The following TMEM62 variants were observed in gnomAD, a reference collection of about 807,000 sequenced individuals.
The protein encoded by TMEM62 is transmembrane protein 62.
A neutral mutation model predicts 70.4 loss-of-function variants in TMEM62; 41 were observed. The observed-to-expected ratio is 0.58, with a 90% CI of 0.45 to 0.76. The LOEUF is 0.76. TMEM62 is among the 30% of genes least tolerant of loss of function. The pLI, the probability that TMEM62 is intolerant of heterozygous loss-of-function variation, is 0.00. For missense variants in TMEM62, 688 were observed against 788.5 expected, an observed-to-expected ratio of 0.87 and a Z score of 1.53; for synonymous variants, 268 against 291.0, an observed-to-expected ratio of 0.92 and a Z score of 0.80.
chr15:43,167,797 A>C (rs1280677191), intron 10 of TMEM62, among the ~76,000 whole-genome samples: 1 of 152,140 alleles, frequency 6.6e-6, no homozygotes, highest in Non-Finnish European at 1.5e-5. Flanking sequence ...GGTTGTAGCG[A>C]GCCGAGATCA....
intron 10 of TMEM62, among the ~76,000 whole-genome samples, chr15:43,166,994 T>A (rs1301139807): frequency 1.3e-5 from 2 of 152,232 alleles, no homozygotes; most frequent in African/African-American, 4.8e-5. Flanking sequence ...CCTTCCCCCC[T>A]TTCTATTCCA....
At chr15:43,179,721 G>A (rs1554422) in intron 12 of TMEM62, 2 of 152,180 alleles carry the variant, frequency 1.3e-5, no homozygotes, top group South Asian at 4.2e-4. Flanking sequence ...CCTATTTGTT[G>A]CCTAGTCTTA....
intron 4 of TMEM62, among the ~76,000 whole-genome samples, chr15:43,139,210 T>C (rs1378807158): frequency 6.6e-6 from 1 of 152,196 alleles, no homozygotes; most frequent in Non-Finnish European, 1.5e-5. Flanking sequence ...GATGTTACTA[T>C]TGTAATTGTT....
intron 10 of TMEM62, 90 bp from the exon 11 acceptor site, chr15:43,169,503 T>G: frequency 8.8e-7 from 1 of 1,137,048 alleles, no homozygotes; most frequent in Non-Finnish European, 1.3e-6. Flanking sequence ...ACAGATGCCA[T>G]TTCCATTTTT....
intron 3 of TMEM62, among the ~76,000 whole-genome samples, chr15:43,137,683 A>T (rs144088658): frequency 6.6e-6 from 1 of 152,352 alleles, no homozygotes; most frequent in Non-Finnish European, 1.5e-5. Flanking sequence ...GCAGGTGGAC[A>T]TCTCCACTGC....
At chr15:43,175,986 T>C (rs141362143) in intron 11 of TMEM62, among the ~76,000 whole-genome samples, 1,644 of 152,360 alleles carry the variant, frequency 0.011, 26 homozygotes, top group African/African-American at 0.037. Flanking sequence ...ACCCTAATAC[T>C]GCGCTTTTCT....
chr15:43,142,630 A>G (rs189737211), intron 4 of TMEM62, among the ~76,000 whole-genome samples: 1 of 152,190 alleles, frequency 6.6e-6, no homozygotes, highest in Non-Finnish European at 1.5e-5. Flanking sequence ...CTGAAGGCTC[A>G]GATGATCATT....
chr15:43,151,425 T>C (rs541377101), intron 7 of TMEM62, among the ~76,000 whole-genome samples: 4 of 152,168 alleles, frequency 2.6e-5, no homozygotes, highest in Admixed American at 6.5e-5. Context: ...GTTGATGGGA[T>C]GAAGAATGTC....
At chr15:43,181,380 TC>T (rs1184501683) in intron 13 of TMEM62, 81 bp downstream of exon 13, 2 of 908,084 alleles carry the variant, frequency 2.2e-6, no homozygotes, top group Admixed American at 1.9e-5. Flanking sequence ...AAATCCAAAA[TC>T]CAGAATTAAG....
chr15:43,178,443 C>A (rs2041001661), intron 11 of TMEM62, among the ~76,000 whole-genome samples, 164 bp from the exon 12 acceptor site: 1 of 152,116 alleles, frequency 6.6e-6, no homozygotes, highest in East Asian at 1.9e-4. Context: ...CACCAGGATT[C>A]CTGCCAAATT....
chr15:43,149,227 T>C, intron 7 of TMEM62, 76 bp downstream of exon 7: 1 of 1,437,142 alleles, frequency 7.0e-7, no homozygotes, highest in Non-Finnish European at 9.6e-7. Flanking sequence ...CTTACTGATA[T>C]CATGGGTGAT....
chr15:43,133,554 G>A (rs2141408767), upstream of TMEM62: 1 of 355,796 alleles, frequency 2.8e-6, no homozygotes, highest in African/African-American at 2.1e-5. Context: ...TCTTTTCTGT[G>A]ATCGTATTAC....
chr15:43,142,805 G>A (rs2141567332), intron 4 of TMEM62, among the ~76,000 whole-genome samples: 1 of 151,938 alleles, frequency 6.6e-6, no homozygotes, highest in Non-Finnish European at 1.5e-5. Flanking sequence ...GGGTAGCTGG[G>A]ACCACAGGCG....
At chr15:43,158,210 G>T (rs967706070) in intron 9 of TMEM62, among the ~76,000 whole-genome samples, 2 of 152,220 alleles carry the variant, frequency 1.3e-5, no homozygotes, top group South Asian at 2.1e-4. Context: ...ACTTTATCTG[G>T]TTTTTTATGC....
At chr15:43,135,361 C>G (rs2035062376) in intron 2 of TMEM62, 151 bp from the exon 3 acceptor site, 1 of 699,658 alleles carries the variant, frequency 1.4e-6, no homozygotes, top group African/African-American at 1.8e-5. Flanking sequence ...TTAGATGGCT[C>G]GATTTGGACA....
intron 12 of TMEM62, among the ~76,000 whole-genome samples, chr15:43,179,353 T>C (rs1158287014): frequency 1.3e-5 from 2 of 152,250 alleles, no homozygotes; most frequent in Non-Finnish European, 2.9e-5. Flanking sequence ...GAAACTGAGA[T>C]GAGCAATAGT....
At chr15:43,152,296 AT>A (rs1225148161) in intron 8 of TMEM62, among the ~76,000 whole-genome samples, 3 of 151,908 alleles carry the variant, frequency 2.0e-5, no homozygotes, top group Non-Finnish European at 1.5e-5. Context: ...TATATATCAA[AT>A]TTTTTTTCAT....
chr15:43,148,456 G>A (rs2036939500), intron 5 of TMEM62, among the ~76,000 whole-genome samples: 1 of 152,126 alleles, frequency 6.6e-6, no homozygotes, highest in South Asian at 2.1e-4. Context: ...TAATCGTAAA[G>A]TGTTATACAA....
chr15:43,149,017 T>C lies in TMEM62; in HGVS notation c.744-12T>C. The C allele has an allele frequency of 6.2e-7, 1 of 1,612,978 alleles. No homozygotes were observed. On this transcript the variant is annotated splice_polypyrimidine_tract_variant and intron_variant, in intron 6 of 13. Coordinates refer to ENST00000260403, the MANE Select transcript of TMEM62 (RefSeq NM_024956.4). ...CTTTGTTCATTTATTTCATTTATTTTTCATTGGTTAGTTCGGCTATAGCTT... is the reference window on the plus strand; with the variant it reads ...CTTTGTTCATTTATTTCATTTATTTCTCATTGGTTAGTTCGGCTATAGCTT...
Sources: gnomAD v4.1 joint callset for allele counts (sites outside exome capture counted in the v4.1 genomes callset) on GRCh38, gnomAD v4.1.1 for gene constraint, MANE v1.5 for transcripts, NCBI Gene and HGNC (gene_info 2026-07-23, HGNC 2026-07-21) for gene names.